Variants in DNAJB4 observed in about 807,000 individuals in gnomAD.
DNAJB4 encodes dnaJ homolog subfamily B member 4.
A neutral mutation model predicts 26.6 loss-of-function variants in DNAJB4; 10 were observed. The observed-to-expected ratio is 0.38, with a 90% CI of 0.23 to 0.64. The LOEUF is 0.64. DNAJB4 is among the 30% of genes least tolerant of loss of function. DNAJB4 has a pLI of 0.58. For missense variants in DNAJB4, 328 were observed against 408.2 expected, an observed-to-expected ratio of 0.80 and a Z score of 1.69; for synonymous variants, 136 against 134.8, an observed-to-expected ratio of 1.01 and a Z score of -0.06.
At chr1:78,014,973 AAT>A (rs754967498) in intron 2 of DNAJB4, among the ~76,000 whole-genome samples, 1 of 152,120 alleles carries the variant, frequency 6.6e-6, no homozygotes, top group Non-Finnish European at 1.5e-5. Flanking sequence ...ACCCTGCTCT[AAT>A]ACCTACCTGC....
intron 1 of DNAJB4, among the ~76,000 whole-genome samples, chr1:77,990,323 A>G (rs775180529): frequency 3.9e-5 from 6 of 152,116 alleles, no homozygotes; most frequent in African/African-American, 7.2e-5. Context: ...CCTCCTTCAC[A>G]CTATAAAATA....
At chr1:78,002,316 C>G (rs527728539), upstream of DNAJB4, among the ~76,000 whole-genome samples, 3 of 152,222 alleles carry the variant, frequency 2.0e-5, no homozygotes, top group African/African-American at 7.2e-5. Flanking sequence ...TCATATCATA[C>G]AAACTTGGAT....
chr1:78,004,918 C>G (rs1039649696), upstream of DNAJB4: 6 of 610,690 alleles, frequency 9.8e-6, no homozygotes, highest in Non-Finnish European at 1.7e-5. Flanking sequence ...GTATATTTAT[C>G]TGTAAGTGAG....
Position 78,016,128 on chromosome 1 carries a change from C to T in DNAJB4, c.895C>T (p.Pro299Ser), listed in dbSNP as rs141825244. Residue 299 changes from proline (P) to serine (S), a missense_variant, in exon 3 of 3, where the codon CCA becomes TCA. Physicochemically the swap from Pro to Ser is moderately conservative, Grantham distance 74. Coordinates refer to ENST00000370763, the MANE Select transcript of DNAJB4 (RefSeq NM_007034.5). The stretch of plus-strand genomic sequence containing the variant: ...GAGAAGAATTATTGGATATGGGCTG[C>T]CATTTCCAAAAAATCCTGACCAACG... ...MRRRIIGYGLPFPKNPDQRGD... is the reference protein window; with the variant it reads ...MRRRIIGYGLSFPKNPDQRGD... The T allele has an allele frequency of 3.7e-6, 6 of 1,613,922 alleles. No homozygotes were observed. The African/African-American group carries it at 8.0e-5, about 22-fold the overall frequency.
At chr1:78,014,489 CTA>C (rs1660580469) in intron 2 of DNAJB4, among the ~76,000 whole-genome samples, 1 of 152,110 alleles carries the variant, frequency 6.6e-6, no homozygotes, top group Non-Finnish European at 1.5e-5. Context: ...TTAAATTGCT[CTA>C]TATAACCTCT....
chr1:78,013,429 A>G lies in DNAJB4; in HGVS notation c.590A>G (p.Asp197Gly), dbSNP rs529285223. The change falls in exon 2 of 3, where the codon GAC (aspartate) becomes GGC (glycine). Residue 197 changes from aspartate to glycine, a missense_variant. Physicochemically the swap from Asp to Gly is moderately conservative, Grantham distance 94. Transcript: ENST00000370763. ...GATGGAAGGAGTTACAGATCTGAGG[A>G]CAAAATTCTTACCATTGAGATTAAA... Reference protein sequence around the residue: ...NADGRSYRSEDKILTIEIKKG... With the variant: ...NADGRSYRSEGKILTIEIKKG... 3 of 1,614,154 alleles carry G rather than the reference A, an allele frequency of 1.9e-6. No homozygotes were observed. Among genetic ancestry groups the G allele is most frequent in the Non-Finnish European group, 1.7e-6 (2 of 1,180,024 alleles).
chr1:78,016,631 A>G lies in DNAJB4; in HGVS notation c.*384A>G, dbSNP rs571884641. 5.7e-6 allele frequency: 1 copy of G among 175,302 alleles called. No homozygotes were observed. Among genetic ancestry groups the G allele is most frequent in the South Asian group, 1.5e-4 (1 of 6,838 alleles). 10.9% of individuals were successfully genotyped at this position (175,302 alleles called of 1,614,324 possible). On this transcript the variant is annotated 3_prime_UTR_variant, in exon 3 of 3. Coordinates refer to ENST00000370763, the MANE Select transcript of DNAJB4 (RefSeq NM_007034.5). ...ATTTATAATGGAAATGAAAATTCTTAACTAAACTATACATGTAATATGTAT... is the reference window on the plus strand; with the variant it reads ...ATTTATAATGGAAATGAAAATTCTTGACTAAACTATACATGTAATATGTAT...
chr1:77,986,689 T>C (rs376520415), intron 1 of DNAJB4, among the ~76,000 whole-genome samples: 2 of 152,236 alleles, frequency 1.3e-5, no homozygotes, highest in African/African-American at 4.8e-5. Flanking sequence ...TGTTTACTCC[T>C]TGTCACCCTA....
upstream of DNAJB4, chr1:78,004,537 T>TA (rs1345994467): frequency 6.6e-6 from 1 of 152,260 alleles, no homozygotes; most frequent in African/African-American, 2.4e-5. Context: ...ACAAATAGCT[T>TA]AAAATTAAAA....
At chr1:77,983,833 C>T (rs1659729013) in intron 1 of DNAJB4, among the ~76,000 whole-genome samples, 1 of 152,168 alleles carries the variant, frequency 6.6e-6, no homozygotes, top group African/African-American at 2.4e-5. Flanking sequence ...TTGCTTTTCC[C>T]CACAGGTTAA....
intron 1 of DNAJB4, among the ~76,000 whole-genome samples, chr1:78,007,789 G>T (rs1216852095): frequency 6.6e-6 from 1 of 152,102 alleles, no homozygotes; most frequent in Admixed American, 6.5e-5. Flanking sequence ...ATCTCCAGAC[G>T]TGGTTCCATA....
At chr1:77,987,296 C>A (rs1659814778) in intron 1 of DNAJB4, among the ~76,000 whole-genome samples, 1 of 152,202 alleles carries the variant, frequency 6.6e-6, no homozygotes, top group African/African-American at 2.4e-5. Context: ...GAGACAGGAT[C>A]TCTGTCGCCC....
upstream of DNAJB4, among the ~76,000 whole-genome samples, chr1:78,000,143 AGTGT>A (rs755378761): frequency 6.3e-4 from 96 of 152,066 alleles, no homozygotes; most frequent in Non-Finnish European, 1.2e-3. Context: ...TGTATGTGTG[AGTGT>A]GTGTGCATGT....
chr1:78,005,473 TATA>T (rs1660309318), intron 1 of DNAJB4, 152 bp downstream of exon 1: 2 of 660,490 alleles, frequency 3.0e-6, no homozygotes, highest in Non-Finnish European at 5.0e-6. Context: ...AGGACAAATG[TATA>T]ATAACAAGGT....
intron 1 of DNAJB4, among the ~76,000 whole-genome samples, chr1:78,011,333 A>G (rs1489470717): frequency 6.6e-6 from 1 of 152,142 alleles, no homozygotes; most frequent in East Asian, 1.9e-4. Context: ...TCTTCTTACA[A>G]GCATTGAAAT....
At chr1:78,004,227 A>T (rs190974476), upstream of DNAJB4, 1 of 152,208 alleles carries the variant, frequency 6.6e-6, no homozygotes, top group African/African-American at 2.4e-5. Context: ...ATTCAGTTTT[A>T]GTTTAGTTGA....
rs907849614 is a variant in DNAJB4 at position 77,995,947 on chromosome 1, A to AAAAAC, written c.-31-9118_-31-9114dup. ...GGCAACAGAGTGAGATTCTGTCTCA[A>AAAAAC]AAAACAAAACAAAACAAAAAAAGAA... On this transcript the variant is annotated intron_variant, in intron 1 of 2. Coordinates refer to the DNAJB4 transcript ENST00000426517. Among the ~76,000 whole-genome samples the AAAAAC allele has an allele frequency of 2.6e-5, 4 of 152,198 alleles. No homozygotes were observed. The East Asian group carries it at 7.7e-4, about 29-fold the overall frequency.
At chr1:78,000,855 G>C (rs918640012), upstream of DNAJB4, among the ~76,000 whole-genome samples, 26 of 152,108 alleles carry the variant, frequency 1.7e-4, no homozygotes, top group Admixed American at 4.6e-4. Flanking sequence ...GTGGTGGCAC[G>C]CACCTGTAAT....
Position 78,005,037 on chromosome 1 carries a change from GA to G in DNAJB4, c.-72del. ...TACCCAGCTTGGTTTATTTTTCTTA[GA>G]ATCTGTTGCTAAGACTGGGGACGCT... On this transcript the variant is annotated 5_prime_UTR_variant, in exon 1 of 3. Coordinates refer to ENST00000370763, the MANE Select transcript of DNAJB4 (RefSeq NM_007034.5). 6.9e-7 allele frequency: 1 copy of G among 1,454,120 alleles called. No homozygotes were observed. Among genetic ancestry groups the G allele is most frequent in the Non-Finnish European group, 9.4e-7 (1 of 1,063,002 alleles). 90.1% of individuals were successfully genotyped at this position (1,454,120 alleles called of 1,614,324 possible).
Sources: allele counts gnomAD v4.1 joint callset (sites outside exome capture counted in the v4.1 genomes callset), GRCh38; gene constraint gnomAD v4.1.1; transcripts MANE v1.5; gene names NCBI Gene and HGNC (gene_info 2026-07-23, HGNC 2026-07-21).